Variants in HERC2 observed in about 807,000 individuals in gnomAD.
The protein encoded by HERC2 is HECT and RLD domain containing E3 ubiquitin protein ligase 2.
HERC2 carries 102 observed loss-of-function variants against 537.7 expected under a neutral mutation model. That is an observed-to-expected ratio of 0.19 (90% CI 0.16 to 0.22). HERC2 has a LOEUF of 0.22. HERC2 is among the 10% of genes least tolerant of loss of function. The pLI, the probability that HERC2 is intolerant of heterozygous loss-of-function variation, is 1.00. For synonymous variants in HERC2, 2,224 were observed against 2,466.2 expected (o/e 0.90, Z 2.91); for missense variants, 4,236 against 6,198.2 (o/e 0.68, Z 10.63).
At chr15:28,299,273 A>C in intron 3 of HERC2, 129 bp downstream of exon 3, 3 of 476,846 alleles carry the variant, frequency 6.3e-6, no homozygotes, top group South Asian at 1.0e-4. Flanking sequence ...AACAATCTCC[A>C]AAGTAAAAAG....
intron 35 of HERC2, among the ~76,000 whole-genome samples, chr15:28,224,568 G>C (rs1055227798): frequency 1.3e-5 from 2 of 152,134 alleles, no homozygotes; most frequent in African/African-American, 2.4e-5. Flanking sequence ...AAAGAGCTTG[G>C]GAAAACCTTG....
chr15:28,254,180 G>C (rs1323123327), intron 20 of HERC2, among the ~76,000 whole-genome samples, 160 bp downstream of exon 20: 2 of 152,156 alleles, frequency 1.3e-5, no homozygotes, highest in African/African-American at 4.8e-5. Flanking sequence ...CTGTGTGAGA[G>C]GCTGAGGCAA....
chr15:28,232,834 C>A (rs1222748086), intron 30 of HERC2, among the ~76,000 whole-genome samples: 1 of 152,124 alleles, frequency 6.6e-6, no homozygotes, highest in Non-Finnish European at 1.5e-5. Context: ...TATCTCATTA[C>A]CAGGATAACT....
intron 78 of HERC2, among the ~76,000 whole-genome samples, chr15:28,137,817 G>A (rs1030879797): frequency 4.6e-5 from 7 of 152,182 alleles, no homozygotes; most frequent in Admixed American, 3.9e-4. Context: ...TCAAAAGCTA[G>A]AAATGATTAA....
At chr15:28,170,580 T>C (rs1894594039) in intron 65 of HERC2, among the ~76,000 whole-genome samples, 1 of 152,158 alleles carries the variant, frequency 6.6e-6, no homozygotes, top group Non-Finnish European at 1.5e-5. Flanking sequence ...TAGGAGACAG[T>C]CTTTAGGAAC....
chr15:28,311,151 G>C (rs2525939), intron 2 of HERC2, among the ~76,000 whole-genome samples: 106,034 of 132,872 alleles, frequency 0.8, 43,648 homozygotes, highest in Non-Finnish European at 0.97. Flanking sequence ...TAGAAGTCAA[G>C]ACAGGGAAGT....
chr15:28,115,734 A>G (rs541608071), intron 88 of HERC2, among the ~76,000 whole-genome samples, 193 bp from the exon 89 acceptor site: 7 of 35,198 alleles, frequency 2.0e-4, no homozygotes, highest in Admixed American at 5.8e-4. Context: ...TTTTGTGCCT[A>G]AAAGCCTCTA....
intron 57 of HERC2, among the ~76,000 whole-genome samples, chr15:28,181,058 T>C (rs1214657407): frequency 1.3e-5 from 2 of 152,336 alleles, no homozygotes. Context: ...TCAAGTCATG[T>C]CCTGCTCACT....
chr15:28,146,210 A>G, intron 71 of HERC2, 27 bp downstream of exon 71: 1 of 1,503,986 alleles, frequency 6.6e-7, no homozygotes, highest in East Asian at 2.3e-5. Flanking sequence ...TGGGTAGATC[A>G]TGCCCTGCTC....
chr15:28,159,199 C>T (rs1030460809), intron 69 of HERC2, among the ~76,000 whole-genome samples: 1 of 152,168 alleles, frequency 6.6e-6, no homozygotes, highest in East Asian at 1.9e-4. Flanking sequence ...TTTGGTGAAT[C>T]TGACAATTAT....
intron 69 of HERC2, among the ~76,000 whole-genome samples, chr15:28,161,605 T>C (rs1163300431): frequency 6.6e-6 from 1 of 152,204 alleles, no homozygotes; most frequent in Non-Finnish European, 1.5e-5. Context: ...TAGCCACATG[T>C]GCCTCAAGTT....
chr15:28,143,632 G>C (rs1191854388), intron 74 of HERC2, among the ~76,000 whole-genome samples: 1 of 151,860 alleles, frequency 6.6e-6, no homozygotes, highest in Admixed American at 6.6e-5. Context: ...ATTTTTAGTA[G>C]AGTCAGGATT....
intron 82 of HERC2, 91 bp from the exon 83 acceptor site, chr15:28,130,393 C>T: frequency 6.3e-7 from 1 of 1,592,332 alleles, no homozygotes; most frequent in Non-Finnish European, 8.6e-7. Context: ...CTGTTCAGGA[C>T]ACAACCATAG....
At chr15:28,179,486 C>A (rs1420587534) in intron 57 of HERC2, among the ~76,000 whole-genome samples, 1 of 152,214 alleles carries the variant, frequency 6.6e-6, no homozygotes, top group Non-Finnish European at 1.5e-5. Flanking sequence ...CTGGTGTCAA[C>A]AAGCCTCTGT....
In HERC2 at chr15:28,187,944, G is replaced by A. The variant is rs542733923; in HGVS notation, c.8650-1192C>T. 8.5e-5 allele frequency among the ~76,000 whole-genome samples: 13 copies of A among 152,250 alleles called. No homozygotes were observed. In the South Asian group the frequency reaches 1.2e-3, roughly 15 times the overall value. ...ATTTCATGTGAACGAAGAGAGATGCGTCTGGAAGCACACACTAACAATTAC... is the reference window on the plus strand; with the variant it reads ...ATTTCATGTGAACGAAGAGAGATGCATCTGGAAGCACACACTAACAATTAC... On this transcript the variant is annotated intron_variant, in intron 55 of 92. Coordinates refer to ENST00000261609, the MANE Select transcript of HERC2 (RefSeq NM_004667.6).
chr15:28,116,618 C>G (rs4778247), intron 88 of HERC2, 47 bp downstream of exon 88: 3 of 1,512,338 alleles, frequency 2.0e-6, no homozygotes, highest in African/African-American at 2.8e-5. Flanking sequence ...AACTCAAGAG[C>G]AGGCACAGGC....
intron 88 of HERC2, among the ~76,000 whole-genome samples, chr15:28,116,165 G>A (rs183318872): frequency 5.9e-5 from 9 of 151,982 alleles, no homozygotes; most frequent in Non-Finnish European, 1.2e-4. Context: ...ACAGCACCTC[G>A]TTCGCTTCCA....
At chr15:28,269,565 A>G (rs2075662977) in intron 10 of HERC2, 129 bp from the exon 11 acceptor site, 2 of 707,124 alleles carry the variant, frequency 2.8e-6, no homozygotes, top group Admixed American at 2.8e-5. Context: ...CAAAACATCA[A>G]AATAGCTCAT....
In HERC2 at chr15:28,191,958, T is replaced by C. The variant is rs1168889107; in HGVS notation, c.8451+3A>G. On this transcript the variant is annotated splice_donor_region_variant and intron_variant, in intron 53 of 92. Coordinates refer to ENST00000261609, the MANE Select transcript of HERC2 (RefSeq NM_004667.6). The stretch of plus-strand genomic sequence containing the variant: ...CCCGCTGCTGTGCCCTATTAGATGC[T>C]ACCTTTCCTTGCGACCCCGATGACT... 1 of 1,612,622 alleles carries C rather than the reference T, an allele frequency of 6.2e-7. No homozygotes were observed.
Sources: gnomAD v4.1 joint callset for allele counts (sites outside exome capture counted in the v4.1 genomes callset) on GRCh38, gnomAD v4.1.1 for gene constraint, MANE v1.5 for transcripts, NCBI Gene and HGNC (gene_info 2026-07-23, HGNC 2026-07-21) for gene names.